Variants in NRG1 observed in about 807,000 individuals in gnomAD.
NRG1 encodes pro-neuregulin-1, membrane-bound isoform.
In NRG1, 18 loss-of-function variants were observed where a neutral mutation model predicts 63.8. That is an observed-to-expected ratio of 0.28 (90% CI 0.19 to 0.42). NRG1 has a LOEUF of 0.42. Among genes scored for constraint, NRG1 ranks in the 10% least tolerant of loss-of-function variants. The pLI, the probability that NRG1 is intolerant of heterozygous loss-of-function variation, is 1.00. For synonymous variants in NRG1, 302 were observed against 301.3 expected (o/e 1.00, Z -0.02); for missense variants, 762 against 814.7 (o/e 0.94, Z 0.79).
chr8:31,986,309 G>A (rs1810059232), intron 1 of NRG1, among the ~76,000 whole-genome samples: 1 of 151,976 alleles, frequency 6.6e-6, no homozygotes, highest in African/African-American at 2.4e-5. Context: ...AAGAGGAAGT[G>A]GAAGAAGCCC....
chr8:32,495,833 A>C (rs1316160514), intron 1 of NRG1, among the ~76,000 whole-genome samples: 1 of 152,174 alleles, frequency 6.6e-6, no homozygotes, highest in Non-Finnish European at 1.5e-5. Flanking sequence ...GAACAAACTA[A>C]TACATCAGAA....
At chr8:31,804,088 C>A (rs984013845) in intron 1 of NRG1, among the ~76,000 whole-genome samples, 1 of 152,158 alleles carries the variant, frequency 6.6e-6, no homozygotes, top group Non-Finnish European at 1.5e-5. Flanking sequence ...TTTTCCCAGT[C>A]TCCAACTAGA....
intron 1 of NRG1, among the ~76,000 whole-genome samples, chr8:31,974,918 A>C (rs2129629644): frequency 6.6e-6 from 1 of 152,318 alleles, no homozygotes; most frequent in Middle Eastern, 3.4e-3. Flanking sequence ...GGAACACCTC[A>C]GCTCAGTCAG....
At chr8:32,600,619 CATTAA>C (rs925092265) in intron 2 of NRG1, among the ~76,000 whole-genome samples, 2 of 152,032 alleles carry the variant, frequency 1.3e-5, no homozygotes, top group African/African-American at 4.8e-5. Context: ...AATCACTTCA[CATTAA>C]TTTATTTTTA....
intron 1 of NRG1, among the ~76,000 whole-genome samples, chr8:32,377,636 A>G (rs1809794184): frequency 6.6e-6 from 1 of 152,234 alleles, no homozygotes; most frequent in Non-Finnish European, 1.5e-5. Flanking sequence ...TGGGAAAACC[A>G]CACAGCAGCT....
intron 1 of NRG1, among the ~76,000 whole-genome samples, chr8:32,571,319 A>G (rs1838542086): frequency 6.6e-6 from 1 of 152,188 alleles, no homozygotes; most frequent in Admixed American, 6.5e-5. Context: ...ATGCTTGTAA[A>G]TTCACTTGTT....
At chr8:31,670,663 A>G (rs1563276123) in intron 1 of NRG1, among the ~76,000 whole-genome samples, 1 of 151,972 alleles carries the variant, frequency 6.6e-6, no homozygotes, top group Non-Finnish European at 1.5e-5. Flanking sequence ...ATTGGCTCCC[A>G]TTACATTTTG....
At chr8:32,470,273 C>T (rs1320866144) in intron 1 of NRG1, among the ~76,000 whole-genome samples, 6 of 151,562 alleles carry the variant, frequency 4.0e-5, no homozygotes, top group Non-Finnish European at 7.4e-5. Context: ...CTCCGCCTCC[C>T]GGGTTCACGC....
At chr8:32,329,264 C>T (rs1302890226) in intron 1 of NRG1, among the ~76,000 whole-genome samples, 1 of 152,110 alleles carries the variant, frequency 6.6e-6, no homozygotes, top group African/African-American at 2.4e-5. Flanking sequence ...CCACTGCGCC[C>T]AGCTGACATC....
At chr8:32,771,320 C>T (rs1304704042), downstream of NRG1, among the ~76,000 whole-genome samples, 1 of 120,348 alleles carries the variant, frequency 8.3e-6, no homozygotes, top group African/African-American at 3.3e-5. Flanking sequence ...GGGACAAGGT[C>T]TCGCTATGTT....
chr8:32,148,068 CAAT>C (rs921588555), intron 1 of NRG1, among the ~76,000 whole-genome samples: 14 of 151,776 alleles, frequency 9.2e-5, no homozygotes, highest in Non-Finnish European at 1.8e-4. Context: ...TTATTATGTG[CAAT>C]AATAATAATA....
chr8:31,965,083 TC>T (rs1806097387), intron 1 of NRG1, among the ~76,000 whole-genome samples: 4 of 152,302 alleles, frequency 2.6e-5, no homozygotes, highest in Admixed American at 2.6e-4. Context: ...TTAACATCTT[TC>T]CAGTTCCCAG....
At chr8:32,236,214 G>T (rs1195738652) in intron 1 of NRG1, among the ~76,000 whole-genome samples, 1 of 151,628 alleles carries the variant, frequency 6.6e-6, no homozygotes, top group Non-Finnish European at 1.5e-5. Flanking sequence ...GGAATGAAAA[G>T]GTCTTGCCCC....
chr8:32,412,949 A>G (rs1449689533), intron 1 of NRG1, among the ~76,000 whole-genome samples: 1 of 152,160 alleles, frequency 6.6e-6, no homozygotes, highest in Non-Finnish European at 1.5e-5. Context: ...ACCTAACTTT[A>G]AAACTGGGAA....
chr8:32,285,210 G>A (rs1351236039), intron 1 of NRG1, among the ~76,000 whole-genome samples: 2 of 152,048 alleles, frequency 1.3e-5, no homozygotes, highest in Non-Finnish European at 2.9e-5. Context: ...AAGGGCCTTT[G>A]ATTATTTAGC....
chr8:31,999,525 C>A (rs541637273), intron 1 of NRG1, among the ~76,000 whole-genome samples: 1 of 151,908 alleles, frequency 6.6e-6, no homozygotes, highest in Non-Finnish European at 1.5e-5. Context: ...TTCACCCTCG[C>A]GGAATTTAGA....
chr8:32,247,409 A>T (rs1848689833), intron 1 of NRG1, among the ~76,000 whole-genome samples: 1 of 151,994 alleles, frequency 6.6e-6, no homozygotes, highest in Admixed American at 6.6e-5. Flanking sequence ...GTTGGCAATG[A>T]CTCCCGTGCA....
intron 1 of NRG1, among the ~76,000 whole-genome samples, chr8:32,542,769 G>A (rs1165656423): frequency 1.3e-5 from 2 of 152,152 alleles, no homozygotes; most frequent in Non-Finnish European, 2.9e-5. Context: ...GATTAAATTT[G>A]CATTTCAAAA....
At chr8:32,291,894 A>T (rs1304645277) in intron 1 of NRG1, among the ~76,000 whole-genome samples, 5 of 152,158 alleles carry the variant, frequency 3.3e-5, no homozygotes, top group Non-Finnish European at 7.3e-5. Flanking sequence ...CTAGAAAATG[A>T]GCATATATGT....
Sources: gnomAD v4.1 joint callset for allele counts (sites outside exome capture counted in the v4.1 genomes callset) on GRCh38, gnomAD v4.1.1 for gene constraint, MANE v1.5 for transcripts, NCBI Gene and HGNC (gene_info 2026-07-23, HGNC 2026-07-21) for gene names.